FAM81A: variants seen among roughly 807,000 people sequenced by gnomAD.
FAM81A encodes the protein protein FAM81A.
In FAM81A, 19 loss-of-function variants were observed where a neutral mutation model predicts 46.7. The observed-to-expected ratio is 0.41, with a 90% CI of 0.28 to 0.60. The LOEUF (loss-of-function observed/expected upper bound fraction) is 0.60, where lower values mean the gene tolerates loss of function less well. FAM81A is among the 20% of genes least tolerant of loss of function. The pLI is 0.34. For synonymous variants in FAM81A, 183 were observed against 152.9 expected (o/e 1.20, Z -1.45); for missense variants, 377 against 453.5 (o/e 0.83, Z 1.53).
At chr15:59,464,607 G>A (rs778683475) in intron 3 of FAM81A, among the ~76,000 whole-genome samples, 3 of 152,014 alleles carry the variant, frequency 2.0e-5, no homozygotes, top group East Asian at 3.8e-4. Context: ...TTTGCCATTT[G>A]TATGTCTGCT....
At chr15:59,421,811 C>T (rs1325309011) in intron 2 of FAM81A, among the ~76,000 whole-genome samples, 1 of 150,712 alleles carries the variant, frequency 6.6e-6, no homozygotes, top group Non-Finnish European at 1.5e-5. Context: ...AACTACCTAC[C>T]AAAAAAGCAT....
At chr15:59,462,972 C>T (rs1334722249) in intron 3 of FAM81A, among the ~76,000 whole-genome samples, 13 of 152,102 alleles carry the variant, frequency 8.5e-5, no homozygotes, top group African/African-American at 2.7e-4. Flanking sequence ...CTTATATTTT[C>T]GTTTTCCTAA....
chr15:59,507,547 TG>T (rs1460737214), intron 5 of FAM81A, among the ~76,000 whole-genome samples: 1 of 152,228 alleles, frequency 6.6e-6, no homozygotes, highest in African/African-American at 2.4e-5. Context: ...CCACCAAAAT[TG>T]TTTGGTATAG....
At chr15:59,470,470 T>C (rs1875537580) in intron 3 of FAM81A, among the ~76,000 whole-genome samples, 1 of 152,224 alleles carries the variant, frequency 6.6e-6, no homozygotes, top group Admixed American at 6.5e-5. Context: ...CAATCACTGA[T>C]ACCCTTTCTT....
chr15:59,449,304 C>G (rs1399543515), intron 1 of FAM81A, among the ~76,000 whole-genome samples: 1 of 152,032 alleles, frequency 6.6e-6, no homozygotes, highest in Non-Finnish European at 1.5e-5. Flanking sequence ...TAAATTGATA[C>G]AGTGAAAAAT....
At position 59,426,899 on chromosome 15, in the gene FAM81A, A is replaced by G. The variant is rs149687768; in HGVS notation, c.-78+24541A>G. ...ACAGCTGAGTCAAGTATGATTGAAC[A>G]CATTTCTTTTAACTCTTAGCATTAA... On this transcript the variant is annotated intron_variant, in intron 2 of 4. Coordinates refer to the FAM81A transcript ENST00000558348. Among the ~76,000 whole-genome samples, 38 of 152,296 alleles carry G rather than the reference A, an allele frequency of 2.5e-4. No individual in the cohort carries two copies. In the East Asian group the frequency reaches 4.6e-3, roughly 19 times the overall value.
chr15:59,503,903 G>C (rs1323960836), intron 4 of FAM81A, among the ~76,000 whole-genome samples: 2 of 152,130 alleles, frequency 1.3e-5, no homozygotes, highest in South Asian at 4.1e-4. Context: ...AGAAATTTAT[G>C]TTATAGTACT....
chr15:59,503,850 G>T lies in FAM81A; in HGVS notation c.414-3363G>T, dbSNP rs2082121783. ...GGCCTCCTAAAGTGCTGGGATTACA[G>T]GTGTGAGCCACTGTGCCCAGCCCTA... On this transcript the variant is annotated intron_variant, in intron 4 of 8. Transcript: ENST00000288228. Among the ~76,000 whole-genome samples, 5 of 152,280 alleles carry T rather than the reference G, an allele frequency of 3.3e-5. No homozygotes were observed. The South Asian group carries it at 1.0e-3, about 32-fold the overall frequency.
rs1228512460 is a variant in FAM81A, at chr15:59,449,786, A to C, written c.-77-8764A>C. On this transcript the variant is annotated intron_variant, in intron 1 of 8. Transcript: ENST00000288228. Reference sequence around the variant, plus strand: ...GACAGAGCGAGACTCTGTCTCAAAAAAAAAAAAAAAAAAAAAAAAAAAAAA... The same window carrying C: ...GACAGAGCGAGACTCTGTCTCAAAACAAAAAAAAAAAAAAAAAAAAAAAAA... Among the ~76,000 whole-genome samples, 446 of 142,846 alleles carry C rather than the reference A, an allele frequency of 3.1e-3. 8 individuals are homozygous for C. The highest frequency in any genetic ancestry group is 7.4e-3 in the Middle Eastern group (2 of 270). 93.7% of individuals were successfully genotyped at this position (142,846 alleles called of 152,430 possible). A position where few individuals can be genotyped will look rare whatever the true frequency, so the allele number is the denominator to read the frequency against.
chr15:59,490,185 C>G (rs1382048711), intron 3 of FAM81A, among the ~76,000 whole-genome samples: 2 of 151,644 alleles, frequency 1.3e-5, no homozygotes, highest in African/African-American at 4.8e-5. Flanking sequence ...TGGATAAACT[C>G]TCTAGGACAT....
chr15:59,499,721 T>C (rs1168738623), intron 4 of FAM81A, among the ~76,000 whole-genome samples: 1 of 152,240 alleles, frequency 6.6e-6, no homozygotes, highest in African/African-American at 2.4e-5. Flanking sequence ...TTTAGCGCCA[T>C]GAATATGTCA....
chr15:59,471,597 G>T (rs1450452691), intron 3 of FAM81A, among the ~76,000 whole-genome samples: 1 of 151,842 alleles, frequency 6.6e-6, no homozygotes, highest in East Asian at 1.9e-4. Context: ...AAGTAGCTGG[G>T]ACTACAGACA....
chr15:59,433,753 C>A (rs955340076), upstream of FAM81A, among the ~76,000 whole-genome samples: 2 of 152,038 alleles, frequency 1.3e-5, no homozygotes, highest in East Asian at 3.9e-4. Flanking sequence ...GGTTATTAAC[C>A]CAAGTTTTTA....
chr15:59,427,436 A>G (rs55893541), intron 2 of FAM81A, among the ~76,000 whole-genome samples: 25,636 of 152,058 alleles, frequency 0.17, 2,301 homozygotes, highest in Middle Eastern at 0.24. Context: ...TAAATGTGCA[A>G]TTAAATGATT....
chr15:59,457,920 A>C (rs894536300), intron 1 of FAM81A, among the ~76,000 whole-genome samples: 3 of 152,206 alleles, frequency 2.0e-5, no homozygotes, highest in Non-Finnish European at 4.4e-5. Context: ...CACATTTCTA[A>C]TGAGTTGTGG....
chr15:59,487,007 G>A (rs1218494743), intron 3 of FAM81A, among the ~76,000 whole-genome samples: 1 of 151,736 alleles, frequency 6.6e-6, no homozygotes, highest in Non-Finnish European at 1.5e-5. Flanking sequence ...TACTGTAATT[G>A]TGGTATGTAA....
In FAM81A at chr15:59,516,637, G is replaced by T. The variant is rs770943218; in HGVS notation, c.787-8G>T. On this transcript the variant is annotated splice_region_variant and splice_polypyrimidine_tract_variant and intron_variant, in intron 7 of 8. Coordinates refer to ENST00000288228, the MANE Select transcript of FAM81A (RefSeq NM_152450.3). The stretch of plus-strand genomic sequence containing the variant: ...GTGATTAAGTGCAGTTCTTATCATG[G>T]ATCTCAGGGAGCCAGTGAAAGGGAT... 10 of 1,606,376 alleles carry T rather than the reference G, an allele frequency of 6.2e-6. No homozygotes were observed. In the South Asian group the frequency reaches 1.1e-4, roughly 18 times the overall value.
Position 59,521,255 on chromosome 15 carries a change from G to A in FAM81A, c.984G>A (p.Gly328=). 6.2e-7 allele frequency: 1 copy of A among 1,612,836 alleles called. No individual in the cohort carries two copies. Among genetic ancestry groups the A allele is most frequent in the Non-Finnish European group, 8.5e-7 (1 of 1,179,390 alleles). The change falls in exon 9 of 9, where the codon GGG becomes GGA. Residue 328 remains glycine (G), a splice_region_variant and synonymous_variant. Transcript: ENST00000288228. ...IKEMKAEVNA[G]FTAVYESIGS... ...TGTGAAATTTACCTCTCCTTCAAGG[G>A]TTTACAGCCGTCTATGAAAGCATAG...
chr15:59,422,611 G>A (rs1341089029), intron 2 of FAM81A, among the ~76,000 whole-genome samples: 1 of 151,994 alleles, frequency 6.6e-6, no homozygotes, highest in Non-Finnish European at 1.5e-5. Context: ...GAAGTAGCTG[G>A]GACTACAGGT....
Sources: allele counts gnomAD v4.1 joint callset (sites outside exome capture counted in the v4.1 genomes callset), GRCh38; gene constraint gnomAD v4.1.1; transcripts MANE v1.5; gene names NCBI Gene and HGNC (gene_info 2026-07-23, HGNC 2026-07-21).